DNM3: variants seen among roughly 807,000 people sequenced by gnomAD.
The protein encoded by DNM3 is dynamin-3.
A neutral mutation model predicts 101.6 loss-of-function variants in DNM3; 47 were observed. The observed-to-expected ratio is 0.46, with a 90% confidence interval of 0.37 to 0.59. The LOEUF is 0.59. Among genes scored for constraint, DNM3 ranks in the 20% least tolerant of loss-of-function variants. The pLI is 0.00. For synonymous variants in DNM3, 385 were observed against 387.9 expected (o/e 0.99, Z 0.09); for missense variants, 849 against 1,085.7 (o/e 0.78, Z 3.06).
At position 172,092,688 on chromosome 1, in the gene DNM3, C is replaced by T. The variant is rs944118781; in HGVS notation, c.1494-136C>T. On this transcript the variant is annotated intron_variant, in intron 12 of 20. Coordinates refer to ENST00000627582, the MANE Select transcript of DNM3 (RefSeq NM_015569.5). ...AGTTGGTTTTGCTTCCAGAATTAAA[C>T]TGACCTGGAATTTTGGTATTAGGTC... The T allele has an allele frequency of 7.8e-6, 7 of 898,612 alleles. No individual in the cohort carries two copies. The African/African-American group carries it at 1.2e-4, about 15-fold the overall frequency. 55.7% of individuals were successfully genotyped at this position (898,612 alleles called of 1,614,324 possible).
intron 15 of DNM3, among the ~76,000 whole-genome samples, chr1:172,284,604 C>A (rs2063625071): frequency 6.6e-6 from 1 of 152,084 alleles, no homozygotes; most frequent in South Asian, 2.1e-4. Flanking sequence ...GAAATGAATA[C>A]CATAGGAACA....
Position 172,410,025 on chromosome 1 carries a change from A to T in DNM3, c.*2184A>T, listed in dbSNP as rs1286605032. The T allele has an allele frequency of 3.0e-6, 3 of 985,560 alleles. No individual in the cohort carries two copies. The highest frequency in any genetic ancestry group is 2.4e-6 in the Non-Finnish European group (2 of 829,880). 61.1% of individuals were successfully genotyped at this position (985,560 alleles called of 1,614,324 possible). A position where few individuals can be genotyped will look rare whatever the true frequency, so the allele number is the denominator to read the frequency against. On this transcript the variant is annotated 3_prime_UTR_variant, in exon 21 of 21. Transcript: ENST00000627582. The stretch of plus-strand genomic sequence containing the variant: ...TTTGTCATCTTTGGCACTTGCTTTT[A>T]GATTATAGTCCCACAGTTGCACTGC...
chr1:172,307,600 A>G lies in DNM3; in HGVS notation c.1770-1128A>G, dbSNP rs533824140. On this transcript the variant is annotated intron_variant, in intron 15 of 20. Transcript: ENST00000627582. ...GTATGTTTATTGCAGCACTGTTCACAATAGCAAAGACTTGGAACTGACCCA... is the reference window on the plus strand; with the variant it reads ...GTATGTTTATTGCAGCACTGTTCACGATAGCAAAGACTTGGAACTGACCCA... Among the ~76,000 whole-genome samples, 199 of 152,352 alleles carry G rather than the reference A, an allele frequency of 1.3e-3. 1 individual carries two copies. The highest frequency in any genetic ancestry group is 4.6e-3 in the African/African-American group (192 of 41,576).
intron 10 of DNM3, among the ~76,000 whole-genome samples, chr1:172,057,098 T>G (rs554008076): frequency 7.2e-5 from 11 of 151,878 alleles, no homozygotes; most frequent in Non-Finnish European, 1.6e-4. Flanking sequence ...GTATCAGCAA[T>G]GGAAGATGAA....
intron 4 of DNM3, among the ~76,000 whole-genome samples, chr1:171,989,941 C>G (rs1031622352): frequency 5.3e-5 from 8 of 151,510 alleles, no homozygotes; most frequent in African/African-American, 1.5e-4. Flanking sequence ...CTAAATGAAT[C>G]CTTTATTTCA....
At chr1:172,036,558 T>A (rs1357207859) in intron 6 of DNM3, among the ~76,000 whole-genome samples, 1 of 152,118 alleles carries the variant, frequency 6.6e-6, no homozygotes, top group Non-Finnish European at 1.5e-5. Context: ...GATTCCCTAT[T>A]TAATAAATGG....
At chr1:172,354,090 T>C (rs552022177) in intron 17 of DNM3, among the ~76,000 whole-genome samples, 1 of 81,148 alleles carries the variant, frequency 1.2e-5, no homozygotes, top group Admixed American at 1.4e-4. Context: ...GGTGTTGGGG[T>C]GTGTGTGTGT....
intron 11 of DNM3, 76 bp downstream of exon 11, chr1:172,068,981 C>T (rs982606704): frequency 1.5e-5 from 19 of 1,281,956 alleles, no homozygotes; most frequent in African/African-American, 1.3e-4. Context: ...CTGGTAGTTC[C>T]CAACAGTCAG....
At chr1:172,005,140 A>C (rs1189013469) in intron 4 of DNM3, among the ~76,000 whole-genome samples, 1 of 152,098 alleles carries the variant, frequency 6.6e-6, no homozygotes, top group East Asian at 1.9e-4. Context: ...GACCTTGAAC[A>C]AATTTCTTAA....
Position 172,214,037 on chromosome 1 carries a change from C to T in DNM3, c.1660-39536C>T, listed in dbSNP as rs901494660. Among the ~76,000 whole-genome samples the T allele has an allele frequency of 3.3e-5, 5 of 152,098 alleles. No individual in the cohort carries two copies. In the East Asian group the frequency reaches 9.6e-4, roughly 29 times the overall value. On this transcript the variant is annotated intron_variant, in intron 14 of 20. Coordinates refer to ENST00000627582, the MANE Select transcript of DNM3 (RefSeq NM_015569.5). ...TGTGGCCTTCCTTCATACTGTGTAA[C>T]TGCCAAAGGAATCACTTAAAAATAA...
chr1:171,889,020 C>T lies in DNM3; in HGVS notation c.162-32728C>T, dbSNP rs145220194. Among the ~76,000 whole-genome samples, 369 of 152,300 alleles carry T rather than the reference C, an allele frequency of 2.4e-3. 1 individual carries two copies. The highest frequency in any genetic ancestry group is 8.1e-3 in the African/African-American group (338 of 41,548). ...AGACAGGGCCTCTCTCTGTCTCTCA[C>T]TCAGGCTGGATTGCAGTGGTGCAAT... On this transcript the variant is annotated intron_variant, in intron 1 of 20. Transcript: ENST00000627582.
chr1:172,008,590 T>A (rs2046856664), intron 4 of DNM3, among the ~76,000 whole-genome samples: 1 of 150,738 alleles, frequency 6.6e-6, no homozygotes, highest in Non-Finnish European at 1.5e-5. Flanking sequence ...GCAATTTTTT[T>A]TTTTTTGTAT....
chr1:172,200,962 G>T (rs2060132087), intron 14 of DNM3, among the ~76,000 whole-genome samples: 1 of 152,130 alleles, frequency 6.6e-6, no homozygotes, highest in South Asian at 2.1e-4. Flanking sequence ...TTACCACAAA[G>T]TTCTTGTGTT....
At chr1:171,989,590 G>GT (rs2045501807) in intron 4 of DNM3, among the ~76,000 whole-genome samples, 2 of 152,092 alleles carry the variant, frequency 1.3e-5, no homozygotes, top group Non-Finnish European at 2.9e-5. Flanking sequence ...TCTAATGCAT[G>GT]TAAGATATTA....
At chr1:171,946,489 G>T (rs965160229) in intron 2 of DNM3, among the ~76,000 whole-genome samples, 1 of 152,096 alleles carries the variant, frequency 6.6e-6, no homozygotes, top group African/African-American at 2.4e-5. Context: ...GGTATTTGGG[G>T]AGACTGGGGA....
At chr1:171,977,172 A>G (rs2044437696) in intron 2 of DNM3, among the ~76,000 whole-genome samples, 1 of 152,252 alleles carries the variant, frequency 6.6e-6, no homozygotes, top group South Asian at 2.1e-4. Flanking sequence ...CAGTTTCTAA[A>G]CTTAGCTGAT....
At chr1:172,280,819 A>G (rs1043700232) in intron 15 of DNM3, among the ~76,000 whole-genome samples, 1 of 152,232 alleles carries the variant, frequency 6.6e-6, no homozygotes, top group African/African-American at 2.4e-5. Flanking sequence ...ACACACATGC[A>G]TGCATACATG....
intron 1 of DNM3, among the ~76,000 whole-genome samples, chr1:171,847,179 G>T (rs1277565312): frequency 6.6e-6 from 1 of 152,138 alleles, no homozygotes; most frequent in East Asian, 1.9e-4. Flanking sequence ...ACAGGATAAA[G>T]TATGAGACAA....
chr1:172,260,485 C>T (rs2062599009), intron 15 of DNM3, among the ~76,000 whole-genome samples: 2 of 151,716 alleles, frequency 1.3e-5, no homozygotes, highest in Non-Finnish European at 1.5e-5. Context: ...TATGATGTCC[C>T]ATATGTCTTG....
Sources: allele counts gnomAD v4.1 joint callset (sites outside exome capture counted in the v4.1 genomes callset), GRCh38; gene constraint gnomAD v4.1.1; transcripts MANE v1.5; gene names NCBI Gene and HGNC (gene_info 2026-07-23, HGNC 2026-07-21).